The following CLTCL1 variants were observed in gnomAD, a reference collection of about 807,000 sequenced individuals.
CLTCL1 encodes clathrin heavy chain like 1.
CLTCL1 carries 159 observed loss-of-function variants against 190.0 expected under a neutral mutation model. The observed-to-expected ratio is 0.84, with a 90% confidence interval of 0.74 to 0.95. CLTCL1 has a LOEUF of 0.95. CLTCL1 is among the 40% of genes least tolerant of loss of function. CLTCL1 has a pLI of 0.00. For synonymous variants in CLTCL1, 752 were observed against 769.6 expected (o/e 0.98, Z 0.38); for missense variants, 1,878 against 2,033.4 (o/e 0.92, Z 1.47).
At chr22:19,277,160 T>C (rs2087544345) in intron 1 of CLTCL1, among the ~76,000 whole-genome samples, 1 of 152,132 alleles carries the variant, frequency 6.6e-6, no homozygotes, top group Non-Finnish European at 1.5e-5. Flanking sequence ...ACTGAGAGTA[T>C]AATTCAGGAC....
intron 5 of CLTCL1, among the ~76,000 whole-genome samples, chr22:19,237,888 T>A (rs1285417193): frequency 4.6e-5 from 7 of 152,182 alleles, no homozygotes; most frequent in African/African-American, 1.7e-4. Context: ...TCAGGTGATA[T>A]TTAATCCTGC....
chr22:19,187,397 A>G (rs1246782955), intron 29 of CLTCL1, among the ~76,000 whole-genome samples, 161 bp downstream of exon 29: 2 of 152,124 alleles, frequency 1.3e-5, no homozygotes, highest in Non-Finnish European at 2.9e-5. Flanking sequence ...TGTTCTAAAT[A>G]TGGTCTCCCA....
At chr22:19,288,180 G>A (rs2087977063) in intron 1 of CLTCL1, among the ~76,000 whole-genome samples, 1 of 152,132 alleles carries the variant, frequency 6.6e-6, no homozygotes, top group African/African-American at 2.4e-5. Context: ...CACAGAGTTT[G>A]TGTTCAAGTA....
intron 19 of CLTCL1, among the ~76,000 whole-genome samples, chr22:19,211,447 G>A (rs1279707809): frequency 1.3e-5 from 2 of 152,012 alleles, no homozygotes; most frequent in African/African-American, 2.4e-5. Context: ...ATAATGAATC[G>A]CAAAGAAAGC....
In CLTCL1 at chr22:19,234,853, G is replaced by A. The variant is rs556823701; in HGVS notation, c.970-147C>T. 156 of 743,802 alleles carry A rather than the reference G, an allele frequency of 2.1e-4. 1 individual carries two copies. The African/African-American group carries it at 2.3e-3, about 11-fold the overall frequency. The allele number at this position is 743,802 out of a possible 1,614,324, so 46.1% of individuals were successfully genotyped here. The stretch of plus-strand genomic sequence containing the variant: ...GTGATGGTGGCCCTCACAGTGAAAG[G>A]AGGCAAAGCAGCCGAAAGCCAAATG... On this transcript the variant is annotated intron_variant, in intron 6 of 32. Coordinates refer to ENST00000427926, the MANE Select transcript of CLTCL1 (RefSeq NM_007098.4).
chr22:19,239,827 G>T (rs1432048731), intron 4 of CLTCL1, among the ~76,000 whole-genome samples: 2 of 152,166 alleles, frequency 1.3e-5, no homozygotes, highest in African/African-American at 4.8e-5. Flanking sequence ...ACAGGCCTGA[G>T]GTTTTCAAGG....
At chr22:19,238,445 G>A (rs1394474758) in intron 5 of CLTCL1, 1 of 174,382 alleles carries the variant, frequency 5.7e-6, no homozygotes, top group African/African-American at 2.4e-5. Flanking sequence ...AATGTTTTCT[G>A]ACTCTGTGCC....
At chr22:19,232,729 C>T (rs2085955413) in intron 9 of CLTCL1, 131 bp from the exon 10 acceptor site, 1 of 1,106,818 alleles carries the variant, frequency 9.0e-7, no homozygotes, top group Non-Finnish European at 1.3e-6. Context: ...TGTGTAGGTA[C>T]CACCTTCTGC....
chr22:19,205,552 TTTGA>T (rs1555942308), intron 22 of CLTCL1, among the ~76,000 whole-genome samples: 1 of 152,214 alleles, frequency 6.6e-6, no homozygotes, highest in Non-Finnish European at 1.5e-5. Flanking sequence ...GACATTGGCT[TTTGA>T]TTTTTATTTG....
At chr22:19,184,478 A>G in intron 29 of CLTCL1, 1 of 456,014 alleles carries the variant, frequency 2.2e-6, no homozygotes, top group Middle Eastern at 3.3e-4. Flanking sequence ...GGCTCCGGAA[A>G]GAAGTCTCCC....
Position 19,191,967 on chromosome 22 carries a change from G to A in CLTCL1, c.4192-532C>T, listed in dbSNP as rs947515701. 2.0e-5 allele frequency among the ~76,000 whole-genome samples: 3 copies of A among 152,050 alleles called. No homozygotes were observed. The East Asian group carries it at 5.8e-4, about 29-fold the overall frequency. On this transcript the variant is annotated intron_variant, in intron 26 of 32. Transcript: ENST00000427926. Reference sequence around the variant, plus strand: ...GTGGACCACTCTGGGTGGACCCTGTGCCTGTGCTCCTGGGTCTCGAGATTT... The same window carrying A: ...GTGGACCACTCTGGGTGGACCCTGTACCTGTGCTCCTGGGTCTCGAGATTT...
chr22:19,287,376 C>T lies in CLTCL1; in HGVS notation c.42+4224G>A, dbSNP rs189011527. Among the ~76,000 whole-genome samples, 27 of 152,210 alleles carry T rather than the reference C, an allele frequency of 1.8e-4. 1 individual carries two copies. Among genetic ancestry groups the T allele is most frequent in the Admixed American group, 1.6e-3 (24 of 15,288 alleles). ...TCATTTCCACAGATACCAGAAGGCT[C>T]AGTAGGAGTCAGTGAGTAAAGAGGG... On this transcript the variant is annotated intron_variant, in intron 1 of 32. Coordinates refer to ENST00000427926, the MANE Select transcript of CLTCL1 (RefSeq NM_007098.4).
rs782640807 is a variant in CLTCL1, at chr22:19,223,937, C to T, written c.2246G>A (p.Arg749Gln). 1.1e-5 allele frequency: 18 copies of T among 1,613,838 alleles called. No individual in the cohort carries two copies. Among genetic ancestry groups the T allele is most frequent in the Admixed American group, 1.7e-5 (1 of 59,994 alleles). ...CTCTGGGTTGTAGCAGCTGCTCTCT[C>T]GGCATATCCTCTCCACCTCCTTGAT... ...GQIKEVERIC[R>Q]ESSCYNPERV... is the part of the protein sequence containing the mutation. Residue 749 changes from arginine (R) to glutamine (Q), a missense_variant, in exon 14 of 33, where the codon CGA (arginine) becomes CAA (glutamine). Arg to Gln is a conservative substitution (Grantham distance 43). Coordinates refer to ENST00000427926, the MANE Select transcript of CLTCL1 (RefSeq NM_007098.4).
chr22:19,225,056 T>C (rs782459593), intron 13 of CLTCL1, among the ~76,000 whole-genome samples: 1 of 152,146 alleles, frequency 6.6e-6, no homozygotes, highest in Non-Finnish European at 1.5e-5. Flanking sequence ...CAATGCACCC[T>C]CTATCGTGGG....
chr22:19,276,827 G>C (rs536549242), intron 1 of CLTCL1, among the ~76,000 whole-genome samples: 1 of 152,002 alleles, frequency 6.6e-6, no homozygotes, highest in African/African-American at 2.4e-5. Context: ...CCGCCACCAC[G>C]CCTGGCTATT....
intron 19 of CLTCL1, among the ~76,000 whole-genome samples, chr22:19,213,106 A>G (rs1555947785): frequency 2.0e-5 from 3 of 152,256 alleles, no homozygotes; most frequent in Non-Finnish European, 4.4e-5. Flanking sequence ...AGAATATACA[A>G]AGAACTCTGA....
intron 5 of CLTCL1, 64 bp downstream of exon 5, chr22:19,239,211 A>G: frequency 7.8e-7 from 1 of 1,288,178 alleles, no homozygotes; most frequent in Non-Finnish European, 1.1e-6. Flanking sequence ...AGCCTCCTGT[A>G]TCTTGGGAGG....
At chr22:19,265,222 C>T (rs782535295) in intron 2 of CLTCL1, among the ~76,000 whole-genome samples, 13 of 152,118 alleles carry the variant, frequency 8.5e-5, no homozygotes, top group African/African-American at 1.2e-4. Context: ...AAAACAACTG[C>T]TTTTGGACAT....
chr22:19,226,614 C>T (rs1555956224), intron 11 of CLTCL1, among the ~76,000 whole-genome samples: 1 of 152,252 alleles, frequency 6.6e-6, no homozygotes, highest in Non-Finnish European at 1.5e-5. Flanking sequence ...CATGTTGCAG[C>T]TGGGCCAAGC....
Sources: gnomAD v4.1 joint callset for allele counts (sites outside exome capture counted in the v4.1 genomes callset) on GRCh38, gnomAD v4.1.1 for gene constraint, MANE v1.5 for transcripts, NCBI Gene and HGNC (gene_info 2026-07-23, HGNC 2026-07-21) for gene names.